Variants in MFSD6 observed in about 807,000 individuals in gnomAD.
The protein encoded by MFSD6 is major facilitator superfamily domain containing 6, also known as major facilitator superfamily domain-containing protein 6.
A neutral mutation model predicts 56.3 loss-of-function variants in MFSD6; 26 were observed. That is an observed-to-expected ratio of 0.46 (90% CI 0.34 to 0.64). The LOEUF is 0.64. Ranked by LOEUF, MFSD6 falls within the 30% of genes least tolerant of loss-of-function variation. The pLI is 0.01. For missense variants in MFSD6, 750 were observed against 986.2 expected (o/e 0.76, Z 3.21); for synonymous variants, 331 against 366.9 (o/e 0.90, Z 1.12).
chr2:190,441,035 C>G (rs1686354921), intron 3 of MFSD6, among the ~76,000 whole-genome samples: 1 of 152,168 alleles, frequency 6.6e-6, no homozygotes, highest in African/African-American at 2.4e-5. Flanking sequence ...GGAAGAAACT[C>G]TGCAGCCGGG....
Position 190,417,649 on chromosome 2 carries a change from T to A in MFSD6, c.-54+2236T>A, listed in dbSNP as rs1690833154. Among the ~76,000 whole-genome samples the A allele has an allele frequency of 6.6e-6, 1 of 152,208 alleles. No homozygotes were observed. The highest frequency in any genetic ancestry group is 6.5e-5 in the Admixed American group (1 of 15,278). ...CCTCAGCCTGGTATTCAAGGCCCTG[T>A]GCCATCTGTTGCTGTCTGGGTGGCC... On this transcript the variant is annotated intron_variant, in intron 2 of 7. Transcript: ENST00000392328. The surrounding 1 kb of genome is among the most constrained non-coding windows in gnomAD (Gnocchi z 5.7).
At chr2:190,429,454 C>A (rs58708643) in intron 2 of MFSD6, among the ~76,000 whole-genome samples, 20,368 of 151,430 alleles carry the variant, frequency 0.13, 1,632 homozygotes, top group Middle Eastern at 0.22. Flanking sequence ...GCCTCCCAAG[C>A]AGCTGGGATT....
chr2:190,435,824 C>A (rs951167473), intron 2 of MFSD6, 153 bp from the exon 3 acceptor site: 1 of 628,676 alleles, frequency 1.6e-6, no homozygotes, highest in Non-Finnish European at 2.5e-6. Flanking sequence ...TTTTCCTTAC[C>A]GGTATTGTGT....
Position 190,436,650 on chromosome 2 carries a change from T to G in MFSD6, c.621T>G (p.Asn207Lys). ...GAAACCTTTTGGAAACAAGGCTCAA[T>G]GTCTCAGACACCGTTACTTTGCCAA... is the stretch of plus-strand genomic sequence containing the variant. Reference protein sequence around the residue: ...EKRNLLETRLNVSDTVTLPTA... With the variant: ...EKRNLLETRLKVSDTVTLPTA... Residue 207 changes from asparagine (N) to lysine (K), a missense_variant, in exon 3 of 8, where the codon AAT becomes AAG. This residue lies in a region of MFSD6 where 376 missense variants were observed against 437.9 expected (regional missense o/e 0.86). Coordinates refer to ENST00000392328, the MANE Select transcript of MFSD6 (RefSeq NM_017694.4). This position sits in a 1 kb window ranked among gnomAD's most constrained non-coding sequence, Gnocchi z 5.3. The G allele has an allele frequency of 6.2e-7, 1 of 1,614,210 alleles. No homozygotes were observed.
chr2:190,497,946 G>T lies in MFSD6; in HGVS notation c.2172+227G>T. 4.9e-6 allele frequency: 2 copies of T among 405,544 alleles called. No individual in the cohort carries two copies. The highest frequency in any genetic ancestry group is 8.8e-6 in the Non-Finnish European group (2 of 228,538). 25.1% of individuals were successfully genotyped at this position (405,544 alleles called of 1,614,324 possible). ...TTATGGAGTTCAGGAAAACTTCAGA[G>T]GTTATGATTCTTTCACTTCTTGAAA... On this transcript the variant is annotated intron_variant, in intron 7 of 7. Coordinates refer to ENST00000392328, the MANE Select transcript of MFSD6 (RefSeq NM_017694.4). This position sits in a 1 kb window ranked among gnomAD's most constrained non-coding sequence, Gnocchi z 5.2.
intron 3 of MFSD6, among the ~76,000 whole-genome samples, chr2:190,468,260 A>T (rs1208741153): frequency 1.3e-5 from 2 of 152,182 alleles, no homozygotes; most frequent in African/African-American, 4.8e-5. Context: ...ACTTTTTGTA[A>T]TACTTCACTG....
chr2:190,421,397 A>G (rs547461137), intron 2 of MFSD6, among the ~76,000 whole-genome samples: 1 of 152,362 alleles, frequency 6.6e-6, no homozygotes, highest in Non-Finnish European at 1.5e-5. Context: ...TCGTTTGTAA[A>G]GACAAAATCC....
At chr2:190,455,149 T>G (rs550890484) in intron 3 of MFSD6, among the ~76,000 whole-genome samples, 2 of 152,186 alleles carry the variant, frequency 1.3e-5, no homozygotes, top group East Asian at 3.9e-4. Flanking sequence ...CCCATGCTCT[T>G]TTGTATACAT....
At position 190,415,733 on chromosome 2, in the gene MFSD6, T is replaced by G. The variant is rs1279626944; in HGVS notation, c.-54+320T>G. ...AGGTACTAAGGATATAAATTATTCT[T>G]TTAGACTATAGCACATTTAGGGGAT... On this transcript the variant is annotated intron_variant, in intron 2 of 7. Transcript: ENST00000392328. The surrounding 1 kb of genome is among the most constrained non-coding windows in gnomAD (Gnocchi z 4.5). Among the ~76,000 whole-genome samples the G allele has an allele frequency of 6.6e-6, 1 of 152,224 alleles. No individual in the cohort carries two copies. Among genetic ancestry groups the G allele is most frequent in the African/African-American group, 2.4e-5 (1 of 41,454 alleles).
Position 190,497,885 on chromosome 2 carries a change from G to C in MFSD6, c.2172+166G>C. On this transcript the variant is annotated intron_variant, in intron 7 of 7. Transcript: ENST00000392328. The surrounding 1 kb of genome is among the most constrained non-coding windows in gnomAD (Gnocchi z 5.2). ...ACTCTGTGAGCACTGAGTTAAAGAG[G>C]GTGTATACAAGGTCCCATAGAGAGA... The C allele has an allele frequency of 2.6e-6, 2 of 770,696 alleles. No homozygotes were observed. The highest frequency in any genetic ancestry group is 2.0e-6 in the Non-Finnish European group (1 of 492,990). 47.7% of individuals were successfully genotyped at this position (770,696 alleles called of 1,614,324 possible).
intron 3 of MFSD6, among the ~76,000 whole-genome samples, chr2:190,452,808 C>T (rs1406410318): frequency 6.6e-6 from 1 of 152,220 alleles, no homozygotes; most frequent in Non-Finnish European, 1.5e-5. Context: ...CTTATTCCTT[C>T]AGGGTTAGCT....
chr2:190,445,934 G>A (rs965730612), intron 3 of MFSD6, among the ~76,000 whole-genome samples: 1 of 152,062 alleles, frequency 6.6e-6, no homozygotes, highest in Non-Finnish European at 1.5e-5. Flanking sequence ...TTTTTATCGG[G>A]ATAGGTGATT....
Position 190,499,802 on chromosome 2 carries a change from G to GTGTT in MFSD6, c.2173-209_2173-206dup. The GTGTT allele has an allele frequency of 6.6e-7, 1 of 1,523,202 alleles. No homozygotes were observed. Among genetic ancestry groups the GTGTT allele is most frequent in the Middle Eastern group, 1.7e-4 (1 of 5,862 alleles). The allele number at this position is 1,523,202 out of a possible 1,614,324, so 94.4% of individuals were successfully genotyped here. A position where few individuals can be genotyped will look rare whatever the true frequency, so the allele number is the denominator to read the frequency against. On this transcript the variant is annotated intron_variant, in intron 7 of 7. Transcript: ENST00000392328. The surrounding 1 kb of genome is among the most constrained non-coding windows in gnomAD (Gnocchi z 6.0). ...TTTCCACAAGACACGTCTGCTTATA[G>GTGTT]TGTTTGTGTTTTTCATGCGGCTCTG...
intron 4 of MFSD6, among the ~76,000 whole-genome samples, chr2:190,486,177 ACC>A: frequency 6.6e-6 from 1 of 152,336 alleles, no homozygotes; most frequent in Non-Finnish European, 1.5e-5. Context: ...CTAACAAAAG[ACC>A]TTGTTGAGTA....
chr2:190,419,975 C>G (rs1291141456), intron 2 of MFSD6, among the ~76,000 whole-genome samples: 1 of 152,178 alleles, frequency 6.6e-6, no homozygotes, highest in Non-Finnish European at 1.5e-5. Context: ...AACTGCAAAC[C>G]TGCACTAGAG....
chr2:190,419,522 A>T (rs969291595), intron 2 of MFSD6, among the ~76,000 whole-genome samples: 2 of 152,210 alleles, frequency 1.3e-5, no homozygotes, highest in African/African-American at 2.4e-5. Flanking sequence ...TCCAGGGACT[A>T]TTTCCTCTCC....
intron 3 of MFSD6, among the ~76,000 whole-genome samples, chr2:190,449,384 G>C (rs1036126773): frequency 1.3e-5 from 2 of 152,020 alleles, no homozygotes; most frequent in African/African-American, 4.8e-5. Flanking sequence ...TGAGGCAGGA[G>C]AATCACTTGA....
chr2:190,495,175 C>T lies in MFSD6; in HGVS notation c.1892-2264C>T, dbSNP rs1689598015. On this transcript the variant is annotated intron_variant, in intron 6 of 7. Coordinates refer to ENST00000392328, the MANE Select transcript of MFSD6 (RefSeq NM_017694.4). The surrounding 1 kb of genome is among the most constrained non-coding windows in gnomAD (Gnocchi z 4.7). ...AGTTTCAGGATACAAAATTAATGTACACAAATCAGTAGCTCTGCTGTACAC... is the reference window on the plus strand; with the variant it reads ...AGTTTCAGGATACAAAATTAATGTATACAAATCAGTAGCTCTGCTGTACAC... Among the ~76,000 whole-genome samples, 1 of 150,632 alleles carries T rather than the reference C, an allele frequency of 6.6e-6. No homozygotes were observed. Among genetic ancestry groups the T allele is most frequent in the Admixed American group, 6.8e-5 (1 of 14,618 alleles).
In MFSD6 at chr2:190,448,784, C is replaced by A. The variant is rs1686673260; in HGVS notation, c.1532+11223C>A. Among the ~76,000 whole-genome samples, 2 of 152,042 alleles carry A rather than the reference C, an allele frequency of 1.3e-5. 1 individual carries two copies. The highest frequency in any genetic ancestry group is 1.3e-4 in the Admixed American group (2 of 15,276). ...TCTACATTATCTGTAATATTTTTTT[C>A]TTTAAGGAAATAATGGCAAAATATT... is the stretch of plus-strand genomic sequence containing the variant. On this transcript the variant is annotated intron_variant, in intron 3 of 7. Coordinates refer to ENST00000392328, the MANE Select transcript of MFSD6 (RefSeq NM_017694.4).
Sources: gnomAD v4.1 joint callset for allele counts (sites outside exome capture counted in the v4.1 genomes callset) on GRCh38, gnomAD v4.1.1 for gene constraint, gnomAD v4.1.1 regional missense constraint, Gnocchi (gnomAD v3.1) non-coding constraint, MANE v1.5 for transcripts, NCBI Gene and HGNC (gene_info 2026-07-23, HGNC 2026-07-21) for gene names.